Variants in WWOX observed in about 807,000 individuals in gnomAD.
WWOX encodes the protein WW domain containing oxidoreductase.
WWOX carries 69 observed loss-of-function variants against 46.2 expected under a neutral mutation model. That is an observed-to-expected ratio of 1.49 (90% CI 1.23 to 1.82). WWOX has a LOEUF of 1.82. Ranked by LOEUF, WWOX falls within the 40% of genes most tolerant of loss-of-function variation. The pLI, the probability that WWOX is intolerant of heterozygous loss-of-function variation, is 0.00. For synonymous variants in WWOX, 359 were observed against 202.6 expected (o/e 1.77, Z -6.56); for missense variants, 919 against 542.6 (o/e 1.69, Z -6.89).
At chr16:78,956,313 T>TC (rs1453858928) in intron 8 of WWOX, among the ~76,000 whole-genome samples, 1 of 151,456 alleles carries the variant, frequency 6.6e-6, no homozygotes, top group African/African-American at 2.4e-5. Flanking sequence ...ACCCAGCTCA[T>TC]TTTTTTTTAA....
At chr16:78,694,925 A>G (rs117877281) in intron 8 of WWOX, among the ~76,000 whole-genome samples, 1,942 of 152,116 alleles carry the variant, frequency 0.013, 19 homozygotes, top group South Asian at 0.036. Context: ...TCAGTTTCCC[A>G]TAAATTAATA....
Position 78,485,466 on chromosome 16 carries a change from C to T in WWOX, c.1056+52714C>T, listed in dbSNP as rs183045066. On this transcript the variant is annotated intron_variant, in intron 8 of 8. Transcript: ENST00000566780. ...GGAACCAAACTCTCTTTCTTCCTCC[C>T]GTTTGGTTGGAAAGTTATTTTGCCT... 1.0e-3 allele frequency among the ~76,000 whole-genome samples: 152 copies of T among 152,256 alleles called. 2 individuals carry two copies. Among genetic ancestry groups the T allele is most frequent in the Non-Finnish European group, 1.7e-3 (116 of 68,028 alleles).
At chr16:78,470,218 CCATGTGTGGAG>C (rs1353857235) in intron 8 of WWOX, among the ~76,000 whole-genome samples, 1 of 152,136 alleles carries the variant, frequency 6.6e-6, no homozygotes, top group African/African-American at 2.4e-5. Flanking sequence ...ATTTGCAGGA[CCATGTGTGGAG>C]CATTTTAAGG....
At chr16:78,111,486 A>G (rs1452448500) in intron 3 of WWOX, among the ~76,000 whole-genome samples, 3 of 152,320 alleles carry the variant, frequency 2.0e-5, no homozygotes, top group South Asian at 2.1e-4. Flanking sequence ...TCACACCCGC[A>G]TAAGGGCTGC....
At chr16:78,414,217 C>T (rs541201376) in intron 6 of WWOX, among the ~76,000 whole-genome samples, 2 of 152,098 alleles carry the variant, frequency 1.3e-5, no homozygotes, top group African/African-American at 4.8e-5. Context: ...TGCCCTACAC[C>T]TATTTCCCTT....
At chr16:79,171,034 G>C (rs1339301600) in intron 8 of WWOX, among the ~76,000 whole-genome samples, 3 of 152,334 alleles carry the variant, frequency 2.0e-5, no homozygotes. Context: ...GGATTAGTCA[G>C]CCTAGAGAAG....
chr16:78,191,590 G>T (rs890597082), intron 5 of WWOX, among the ~76,000 whole-genome samples: 2 of 151,838 alleles, frequency 1.3e-5, no homozygotes, highest in African/African-American at 4.8e-5. Flanking sequence ...TATGAGTTTC[G>T]GTCTTTTTTC....
intron 8 of WWOX, among the ~76,000 whole-genome samples, chr16:79,050,426 G>A (rs2048144810): frequency 6.6e-6 from 1 of 152,200 alleles, no homozygotes; most frequent in Admixed American, 6.5e-5. Context: ...ATGCAAGACA[G>A]CAACTCAAAA....
chr16:78,659,583 A>G (rs985802046), intron 8 of WWOX, among the ~76,000 whole-genome samples: 1 of 152,140 alleles, frequency 6.6e-6, no homozygotes, highest in African/African-American at 2.4e-5. Context: ...TCAATTATCA[A>G]ATGTTTCCAA....
At chr16:78,307,304 G>C (rs1165029859) in intron 5 of WWOX, among the ~76,000 whole-genome samples, 1 of 152,168 alleles carries the variant, frequency 6.6e-6, no homozygotes, top group Non-Finnish European at 1.5e-5. Context: ...TTCTGGAAAC[G>C]GTGAATGTTG....
chr16:78,859,472 A>G (rs1260560505), intron 8 of WWOX, among the ~76,000 whole-genome samples: 1 of 152,194 alleles, frequency 6.6e-6, no homozygotes, highest in African/African-American at 2.4e-5. Flanking sequence ...AGTGTTAAAA[A>G]TTAATTAAAA....
intron 8 of WWOX, among the ~76,000 whole-genome samples, chr16:78,543,853 G>T (rs2043958758): frequency 6.6e-6 from 1 of 152,242 alleles, no homozygotes; most frequent in Admixed American, 6.5e-5. Context: ...TCCTGCTTAT[G>T]ACTCTGAAAC....
intron 5 of WWOX, chr16:78,281,131 A>G (rs144674014): frequency 2.6e-3 from 394 of 152,372 alleles, no homozygotes; most frequent in African/African-American, 8.9e-3. Context: ...TTTCATGGCA[A>G]AGCGATCTCA....
chr16:79,211,666 G>C lies in WWOX; in HGVS notation c.1115G>C (p.Gly372Ala), dbSNP rs1064793798. 15 of 1,614,208 alleles carry C rather than the reference G, an allele frequency of 9.3e-6. No individual in the cohort carries two copies. Among genetic ancestry groups the C allele is most frequent in the Non-Finnish European group, 1.3e-5 (15 of 1,180,044 alleles). Residue 372 changes from glycine to alanine, a missense_variant, in exon 9 of 9, where the codon GGA (glycine) becomes GCA (alanine). Transcript: ENST00000566780. The part of the protein sequence containing the change: ...CAAVPELEGL[G>A]GMYFNNCCRC... Reference sequence around the variant, plus strand: ...GCTGTCCCAGAACTGGAGGGTCTGGGAGGGATGTACTTCAACAACTGCTGC... The same window carrying C: ...GCTGTCCCAGAACTGGAGGGTCTGGCAGGGATGTACTTCAACAACTGCTGC...
chr16:78,393,562 G>A (rs1162809000), intron 6 of WWOX, among the ~76,000 whole-genome samples: 1 of 152,092 alleles, frequency 6.6e-6, no homozygotes, highest in Non-Finnish European at 1.5e-5. Context: ...GAACTGAATT[G>A]CAATCCTGGA....
intron 8 of WWOX, among the ~76,000 whole-genome samples, chr16:78,894,888 C>T (rs775250476): frequency 4.5e-4 from 69 of 152,122 alleles, no homozygotes; most frequent in Non-Finnish European, 8.5e-4. Flanking sequence ...ACTCAGTTCT[C>T]GGAATTTTCA....
intron 8 of WWOX, among the ~76,000 whole-genome samples, chr16:78,760,202 A>G (rs945504047): frequency 6.6e-6 from 1 of 152,214 alleles, no homozygotes; most frequent in Admixed American, 6.5e-5. Context: ...AGCCAGGTGA[A>G]GGAGTTTCCC....
rs549126650 is a variant in WWOX, at chr16:78,559,338, T to C, written c.1056+126586T>C. On this transcript the variant is annotated intron_variant, in intron 8 of 8. Transcript: ENST00000566780. ...ACTGGTAGCAGGTGGGCTCCTAGAA[T>C]AGTCCCGGCAAGAGATCATGGAGGC... is the stretch of plus-strand genomic sequence containing the variant. 5.9e-5 allele frequency among the ~76,000 whole-genome samples: 9 copies of C among 152,294 alleles called. No homozygotes were observed. The South Asian group carries it at 1.9e-3, about 32-fold the overall frequency.
intron 5 of WWOX, among the ~76,000 whole-genome samples, chr16:78,227,918 T>C (rs774573500): frequency 1.3e-5 from 2 of 152,046 alleles, no homozygotes; most frequent in African/African-American, 2.4e-5. Context: ...TCTGGTTCTA[T>C]TGAACCCCAG....
Sources: allele counts gnomAD v4.1 joint callset (sites outside exome capture counted in the v4.1 genomes callset), GRCh38; gene constraint gnomAD v4.1.1; transcripts MANE v1.5; gene names NCBI Gene and HGNC (gene_info 2026-07-23, HGNC 2026-07-21).